LPP: variants seen among roughly 807,000 people sequenced by gnomAD.
LPP encodes LIM domain containing preferred translocation partner in lipoma.
LPP carries 38 observed loss-of-function variants against 60.4 expected under a neutral mutation model. That is an observed-to-expected ratio of 0.63 (90% CI 0.49 to 0.83). The LOEUF (loss-of-function observed/expected upper bound fraction) is 0.83, where lower values mean the gene tolerates loss of function less well. Ranked by LOEUF, LPP falls within the 40% of genes least tolerant of loss-of-function variation. The probability of loss-of-function intolerance (pLI) is 0.00; values close to 1 mark genes in which losing one functional copy is unlikely to be tolerated. For synonymous variants in LPP, 328 were observed against 290.8 expected (o/e 1.13, Z -1.30); for missense variants, 902 against 783.6 (o/e 1.15, Z -1.80).
intron 5 of LPP, among the ~76,000 whole-genome samples, chr3:188,508,530 T>C (rs887013499): frequency 1.3e-5 from 2 of 152,238 alleles, no homozygotes; most frequent in African/African-American, 4.8e-5. Flanking sequence ...TAATTGAATA[T>C]GTATTAAGCT....
intron 6 of LPP, among the ~76,000 whole-genome samples, chr3:188,605,362 G>A (rs1842192016): frequency 6.6e-6 from 1 of 152,140 alleles, no homozygotes; most frequent in African/African-American, 2.4e-5. Flanking sequence ...ATGGAAAGTA[G>A]GCAGTCTCAG....
chr3:188,523,960 T>A (rs575364255), intron 5 of LPP, among the ~76,000 whole-genome samples: 1 of 152,346 alleles, frequency 6.6e-6, no homozygotes, highest in African/African-American at 2.4e-5. Context: ...GGAAACACCC[T>A]GTGTCGATGT....
intron 9 of LPP, among the ~76,000 whole-genome samples, chr3:188,849,088 C>T (rs992736738): frequency 1.3e-5 from 2 of 152,178 alleles, no homozygotes; most frequent in African/African-American, 4.8e-5. Flanking sequence ...AGGCACAGCA[C>T]CGTGGTGAGC....
chr3:188,799,500 C>G (rs774044703), intron 9 of LPP, among the ~76,000 whole-genome samples: 2 of 152,170 alleles, frequency 1.3e-5, no homozygotes, highest in Non-Finnish European at 2.9e-5. Context: ...CCTCCTTGCC[C>G]TGTTAATTAT....
chr3:188,741,845 A>T (rs545338215), intron 8 of LPP, among the ~76,000 whole-genome samples: 2 of 152,174 alleles, frequency 1.3e-5, no homozygotes, highest in Admixed American at 1.3e-4. Flanking sequence ...ATAACAAATG[A>T]AATAGCAAGT....
intron 6 of LPP, among the ~76,000 whole-genome samples, chr3:188,525,187 G>A (rs1268857414): frequency 2.0e-5 from 3 of 151,876 alleles, no homozygotes; most frequent in Non-Finnish European, 4.4e-5. Context: ...GGCTGGTCTC[G>A]AACTCCTGAC....
At chr3:188,264,301 A>AAG (rs1195354589) in intron 2 of LPP, among the ~76,000 whole-genome samples, 3 of 151,170 alleles carry the variant, frequency 2.0e-5, no homozygotes, top group Non-Finnish European at 2.9e-5. Context: ...GGGAGAGAGA[A>AAG]AGAGAGAGAG....
At chr3:188,621,555 T>A (rs557884259) in intron 7 of LPP, among the ~76,000 whole-genome samples, 16 of 152,372 alleles carry the variant, frequency 1.1e-4, no homozygotes, top group Non-Finnish European at 1.3e-4. Flanking sequence ...CACATTTTTT[T>A]AAATCTAGTC....
intron 6 of LPP, among the ~76,000 whole-genome samples, chr3:188,592,749 C>T (rs1399517941): frequency 1.3e-5 from 2 of 151,564 alleles, no homozygotes; most frequent in Non-Finnish European, 2.9e-5. Context: ...ACTATGTTGG[C>T]CAGGCTGATC....
rs192933840 is a variant in LPP, at chr3:188,554,864, G to T, written c.429+30077G>T. On this transcript the variant is annotated intron_variant, in intron 6 of 11. Coordinates refer to ENST00000617246, the MANE Select transcript of LPP (RefSeq NM_001375462.1). ...GGCAAGCTGTCTTATAGAGGGTGAG[G>T]GTACAGCTATGCATAAAACAATGTG... Among the ~76,000 whole-genome samples the T allele has an allele frequency of 5.3e-5, 8 of 152,086 alleles. No homozygotes were observed. The East Asian group carries it at 1.2e-3, about 22-fold the overall frequency.
intron 3 of LPP, among the ~76,000 whole-genome samples, chr3:188,360,625 G>T (rs543315978): frequency 1.3e-4 from 20 of 152,026 alleles, no homozygotes; most frequent in Non-Finnish European, 2.8e-4. Context: ...CCAAAGTGCT[G>T]GGATTACAGT....
intron 5 of LPP, among the ~76,000 whole-genome samples, chr3:188,490,876 TC>T (rs1808155883): frequency 6.7e-6 from 1 of 148,644 alleles, no homozygotes; most frequent in South Asian, 2.2e-4. Flanking sequence ...TGCCTTAGCC[TC>T]CCAAGTAGCT....
chr3:188,781,324 G>A (rs1739574265), intron 9 of LPP, among the ~76,000 whole-genome samples: 2 of 152,174 alleles, frequency 1.3e-5, no homozygotes, highest in Admixed American at 1.3e-4. Context: ...AGATGCTATG[G>A]ACAGTACTTT....
chr3:188,292,063 A>G (rs1746173647), intron 2 of LPP, among the ~76,000 whole-genome samples: 1 of 152,252 alleles, frequency 6.6e-6, no homozygotes, highest in East Asian at 1.9e-4. Context: ...CCCCAAGTTT[A>G]AACAGCAATG....
At chr3:188,862,769 AAGAG>A (rs140796448) in intron 9 of LPP, among the ~76,000 whole-genome samples, 322 of 147,026 alleles carry the variant, frequency 2.2e-3, no homozygotes, top group African/African-American at 7.7e-3. Context: ...AAGAAAAAGA[AAGAG>A]AGAGAGAGAG....
In LPP at chr3:188,852,859, A is replaced by G. The variant is rs565673296; in HGVS notation, c.1411-13341A>G. ...ATCACATTTTAAGATTAGCATTAGG[A>G]GGGCTGGGTGTGGTGGCTCACTCCT... On this transcript the variant is annotated intron_variant, in intron 9 of 11. Transcript: ENST00000617246. 9.9e-5 allele frequency among the ~76,000 whole-genome samples: 15 copies of G among 152,168 alleles called. No homozygotes were observed. The East Asian group carries it at 2.5e-3, about 25-fold the overall frequency.
chr3:188,429,721 C>T (rs73888480), intron 4 of LPP, among the ~76,000 whole-genome samples: 75 of 152,166 alleles, frequency 4.9e-4, no homozygotes, highest in African/African-American at 1.5e-3. Flanking sequence ...TTTCTTTAAG[C>T]GGAATAGTTC....
rs1041203155 is a variant in LPP, at chr3:188,154,212, G to A, written c.-230G>A. ...AGCCGCCGCCGCCGCCGCCGCCGCC[G>A]CCACCACCACCGCCGCTGCCCCGGC... On this transcript the variant is annotated 5_prime_UTR_variant, in exon 1 of 12. Coordinates refer to ENST00000617246, the MANE Select transcript of LPP (RefSeq NM_001375462.1). Among the ~76,000 whole-genome samples the A allele has an allele frequency of 1.4e-4, 21 of 151,730 alleles. No individual in the cohort carries two copies. The highest frequency in any genetic ancestry group is 8.3e-4 in the South Asian group (4 of 4,814).
At position 188,516,449 on chromosome 3, in the gene LPP, C is replaced by A. The variant is rs575547794; in HGVS notation, c.307-8216C>A. On this transcript the variant is annotated intron_variant, in intron 5 of 11. Transcript: ENST00000617246. ...TATTAAATAGAAATGTTACTGTCTT[C>A]ATTTTTATTTTTATCCAAATACCTC... 3.3e-5 allele frequency among the ~76,000 whole-genome samples: 5 copies of A among 152,048 alleles called. No individual in the cohort carries two copies. The South Asian group carries it at 8.3e-4, about 25-fold the overall frequency.
Sources: allele counts gnomAD v4.1 joint callset (sites outside exome capture counted in the v4.1 genomes callset), GRCh38; gene constraint gnomAD v4.1.1; transcripts MANE v1.5; gene names NCBI Gene and HGNC (gene_info 2026-07-23, HGNC 2026-07-21).